Variants in NLGN1 observed in about 807,000 individuals in gnomAD.
The protein encoded by NLGN1 is neuroligin-1.
A neutral mutation model predicts 65.5 loss-of-function variants in NLGN1; 12 were observed. The ratio of observed to expected loss-of-function variants is 0.18; its 90% confidence interval spans 0.12 to 0.30. The LOEUF is 0.30. Among genes scored for constraint, NLGN1 ranks in the 10% least tolerant of loss-of-function variants. The pLI, the probability that NLGN1 is intolerant of heterozygous loss-of-function variation, is 1.00. For synonymous variants in NLGN1, 350 were observed against 359.5 expected, an observed-to-expected ratio of 0.97 and a Z score of 0.30; for missense variants, 750 against 1,007.1, an observed-to-expected ratio of 0.74 and a Z score of 3.46.
At chr3:173,597,940 T>C (rs1015921534) in intron 2 of NLGN1, among the ~76,000 whole-genome samples, 3 of 152,130 alleles carry the variant, frequency 2.0e-5, no homozygotes, top group African/African-American at 4.8e-5. Flanking sequence ...CATTTTTTTC[T>C]GATTTGTTAT....
At chr3:173,938,966 C>A (rs975560005) in intron 4 of NLGN1, among the ~76,000 whole-genome samples, 14 of 151,866 alleles carry the variant, frequency 9.2e-5, no homozygotes, top group African/African-American at 2.9e-4. Flanking sequence ...CTTTCCAAAC[C>A]GAGCTTGTCA....
chr3:173,918,810 G>C (rs1010205861), intron 4 of NLGN1, among the ~76,000 whole-genome samples: 1 of 151,302 alleles, frequency 6.6e-6, no homozygotes, highest in African/African-American at 2.4e-5. Context: ...CATATTTAGT[G>C]TTATAAAACA....
intron 3 of NLGN1, among the ~76,000 whole-genome samples, chr3:173,767,302 C>G (rs1219184641): frequency 1.3e-5 from 2 of 151,988 alleles, no homozygotes; most frequent in Non-Finnish European, 2.9e-5. Flanking sequence ...CAAGAAGAAT[C>G]TAACACGTAT....
At chr3:173,840,297 C>G (rs1724537805) in intron 4 of NLGN1, among the ~76,000 whole-genome samples, 1 of 152,114 alleles carries the variant, frequency 6.6e-6, no homozygotes, top group Admixed American at 6.5e-5. Context: ...GTTCTATGGA[C>G]TACCATAAAA....
intron 3 of NLGN1, among the ~76,000 whole-genome samples, chr3:173,633,318 C>G (rs910372671): frequency 1.3e-5 from 2 of 152,134 alleles, no homozygotes; most frequent in Non-Finnish European, 2.9e-5. Context: ...ACTTTTCTAG[C>G]ATTATTCATG....
intron 2 of NLGN1, among the ~76,000 whole-genome samples, chr3:173,554,391 A>C (rs1253089624): frequency 3.9e-5 from 6 of 152,184 alleles, no homozygotes; most frequent in African/African-American, 1.4e-4. Context: ...GTAATGAAAA[A>C]TACCCACTGT....
exon 6 of NLGN1, chr3:174,278,892 A>C (rs1051300132): frequency 2.0e-6 from 3 of 1,505,164 alleles, no homozygotes; most frequent in Non-Finnish European, 2.7e-6. Context: ...CTCAAAGTGG[A>C]ACAGCCCTTT....
At chr3:173,450,471 C>T (rs574933656) in intron 2 of NLGN1, among the ~76,000 whole-genome samples, 1 of 152,250 alleles carries the variant, frequency 6.6e-6, no homozygotes, top group Admixed American at 6.5e-5. Flanking sequence ...GTAACCCGAC[C>T]TTTCTCTCGG....
intron 4 of NLGN1, 29 bp downstream of exon 4, chr3:173,807,861 C>T: frequency 6.3e-7 from 1 of 1,592,464 alleles, no homozygotes; most frequent in Non-Finnish European, 8.6e-7. Flanking sequence ...TTGTTTTCAC[C>T]ATGAATCCAT....
At chr3:173,923,184 A>T (rs1406591792) in intron 4 of NLGN1, among the ~76,000 whole-genome samples, 1 of 152,084 alleles carries the variant, frequency 6.6e-6, no homozygotes, top group Non-Finnish European at 1.5e-5. Context: ...ATAGGAAGCT[A>T]AGAGGTGGAA....
intron 4 of NLGN1, among the ~76,000 whole-genome samples, chr3:173,978,983 T>C (rs1206372484): frequency 6.6e-6 from 1 of 151,610 alleles, no homozygotes; most frequent in Non-Finnish European, 1.5e-5. Context: ...CCAGCCTGGA[T>C]GACAGAGTAA....
chr3:173,472,721 A>G (rs1317562329), intron 2 of NLGN1, among the ~76,000 whole-genome samples: 1 of 152,120 alleles, frequency 6.6e-6, no homozygotes, highest in East Asian at 1.9e-4. Context: ...TACATAAAAA[A>G]CGTCATGAGG....
rs575061074 is a variant in NLGN1, at chr3:174,233,443, G to A, written c.647-41872G>A. Among the ~76,000 whole-genome samples, 6 of 151,748 alleles carry A rather than the reference G, an allele frequency of 4.0e-5. No homozygotes were observed. In the East Asian group the frequency reaches 1.2e-3, roughly 29 times the overall value. On this transcript the variant is annotated intron_variant, in intron 4 of 6. Transcript: ENST00000457714. ...AGAGGTTGCAGTGAGCTGAGATCAC[G>A]CCATTGCACTCCAGCTTGGGCAACA...
chr3:173,727,358 C>G (rs1315277442), intron 3 of NLGN1, among the ~76,000 whole-genome samples: 1 of 152,064 alleles, frequency 6.6e-6, no homozygotes, highest in African/African-American at 2.4e-5. Flanking sequence ...ATCTAGTTTT[C>G]AATTATTAAA....
intron 4 of NLGN1, among the ~76,000 whole-genome samples, chr3:174,242,866 G>A (rs756797667): frequency 2.0e-5 from 3 of 151,966 alleles, no homozygotes; most frequent in Admixed American, 2.0e-4. Context: ...AAATGTTGGC[G>A]ACCAGTGCCA....
intron 4 of NLGN1, among the ~76,000 whole-genome samples, chr3:174,266,516 C>T (rs576305437): frequency 5.2e-4 from 79 of 152,278 alleles, no homozygotes; most frequent in African/African-American, 1.9e-3. Flanking sequence ...CTGCAATGAA[C>T]ATACATGTGT....
At chr3:173,684,034 CTG>C (rs928607869) in intron 3 of NLGN1, among the ~76,000 whole-genome samples, 2 of 152,012 alleles carry the variant, frequency 1.3e-5, no homozygotes, top group African/African-American at 2.4e-5. Flanking sequence ...ACACAGTAAA[CTG>C]TGTAAACAGT....
At chr3:173,848,708 C>T in intron 4 of NLGN1, among the ~76,000 whole-genome samples, 1 of 152,056 alleles carries the variant, frequency 6.6e-6, no homozygotes, top group East Asian at 1.9e-4. Context: ...AATTACCTTC[C>T]AATTTGGAAT....
intron 4 of NLGN1, among the ~76,000 whole-genome samples, chr3:174,270,120 CCTTT>C (rs1229080309): frequency 1.7e-4 from 16 of 94,198 alleles, no homozygotes; most frequent in African/African-American, 3.7e-4. Context: ...CTGTTGGTTT[CCTTT>C]CTTTTTTTTT....
Sources: allele counts gnomAD v4.1 joint callset (sites outside exome capture counted in the v4.1 genomes callset), GRCh38; gene constraint gnomAD v4.1.1; transcripts MANE v1.5; gene names NCBI Gene and HGNC (gene_info 2026-07-23, HGNC 2026-07-21).